Variants in NCKAP5 observed in about 807,000 individuals in gnomAD.
The protein encoded by NCKAP5 is NCK associated protein 5.
In NCKAP5, 92 loss-of-function variants were observed where a neutral mutation model predicts 167.0. The ratio of observed to expected loss-of-function variants is 0.55; its 90% CI spans 0.47 to 0.66. The LOEUF is 0.66. Ranked by LOEUF, NCKAP5 falls within the 30% of genes least tolerant of loss-of-function variation. The pLI, the probability that NCKAP5 is intolerant of heterozygous loss-of-function variation, is 0.00. For missense variants in NCKAP5, 2,378 were observed against 2,315.0 expected (o/e 1.03, Z -0.56); for synonymous variants, 891 against 877.4 (o/e 1.02, Z -0.27).
intron 2 of NCKAP5, among the ~76,000 whole-genome samples, chr2:133,532,084 CAT>C (rs1558760424): frequency 6.6e-6 from 1 of 152,182 alleles, no homozygotes; most frequent in Non-Finnish European, 1.5e-5. Context: ...AGTTTATGTA[CAT>C]ATGATAGTCT....
intron 1 of NCKAP5, among the ~76,000 whole-genome samples, chr2:133,563,022 C>T (rs1462222586): frequency 1.3e-5 from 2 of 152,198 alleles, no homozygotes; most frequent in Non-Finnish European, 2.9e-5. Context: ...TTGTGCTTAA[C>T]TGGGTCCATG....
At chr2:133,205,670 C>T (rs2085915485) in intron 5 of NCKAP5, among the ~76,000 whole-genome samples, 1 of 152,006 alleles carries the variant, frequency 6.6e-6, no homozygotes, top group Non-Finnish European at 1.5e-5. Context: ...TCTTGGGATT[C>T]TCATTAAGAT....
chr2:133,246,282 C>G (rs2087987369), intron 4 of NCKAP5, among the ~76,000 whole-genome samples: 1 of 151,934 alleles, frequency 6.6e-6, no homozygotes, highest in Admixed American at 6.6e-5. Context: ...CACTGTCTAT[C>G]CTCAAATGGA....
intron 19 of NCKAP5, among the ~76,000 whole-genome samples, chr2:132,712,890 C>A (rs529210799): frequency 6.6e-6 from 1 of 152,174 alleles, no homozygotes; most frequent in East Asian, 1.9e-4. Flanking sequence ...ACACCCAGAT[C>A]CAGATCAACA....
chr2:133,493,550 T>C (rs745871381), intron 3 of NCKAP5, among the ~76,000 whole-genome samples: 1 of 152,190 alleles, frequency 6.6e-6, no homozygotes, highest in Non-Finnish European at 1.5e-5. Flanking sequence ...GAACAGTGTC[T>C]GGCACATAGT....
At chr2:133,262,145 AT>A (rs1159528667) in intron 4 of NCKAP5, among the ~76,000 whole-genome samples, 17 of 151,876 alleles carry the variant, frequency 1.1e-4, no homozygotes, top group Admixed American at 2.0e-4. Flanking sequence ...AATGCACATA[AT>A]TTTTTTTTAT....
intron 8 of NCKAP5, among the ~76,000 whole-genome samples, chr2:132,899,150 C>T (rs1693429494): frequency 6.6e-6 from 1 of 152,200 alleles, no homozygotes. Context: ...TGCAGCTTTA[C>T]ATCTTTACAT....
intron 3 of NCKAP5, among the ~76,000 whole-genome samples, chr2:133,438,117 T>C (rs1690608855): frequency 1.3e-5 from 2 of 152,176 alleles, no homozygotes; most frequent in South Asian, 4.1e-4. Flanking sequence ...GCAACCTAAG[T>C]CCATACCTTG....
At chr2:132,740,103 C>T (rs1438495511) in intron 16 of NCKAP5, among the ~76,000 whole-genome samples, 2 of 152,116 alleles carry the variant, frequency 1.3e-5, no homozygotes, top group African/African-American at 4.8e-5. Flanking sequence ...CCCTCTGCAA[C>T]CCTCATTCAT....
At chr2:133,538,889 T>C (rs72992339) in intron 2 of NCKAP5, among the ~76,000 whole-genome samples, 12,780 of 149,858 alleles carry the variant, frequency 0.085, 954 homozygotes, top group African/African-American at 0.2. Context: ...TCATCTGAGA[T>C]GTACCTAGTT....
intron 3 of NCKAP5, among the ~76,000 whole-genome samples, chr2:133,358,948 A>G (rs113172322): frequency 7.9e-5 from 12 of 152,314 alleles, no homozygotes; most frequent in African/African-American, 2.9e-4. Flanking sequence ...ACTTGACACT[A>G]TTTGCATATT....
chr2:133,361,988 G>A (rs1430168), intron 3 of NCKAP5, among the ~76,000 whole-genome samples: 25,922 of 151,296 alleles, frequency 0.17, 2,296 homozygotes, highest in Non-Finnish European at 0.2. Flanking sequence ...GGAATTGAGA[G>A]AAGCATAAAT....
Position 133,316,023 on chromosome 2 carries a change from T to C in NCKAP5, c.70-12913A>G, listed in dbSNP as rs1192437723. ...TGCATTCCAGGTCCTATCCCAGAGA[T>C]TCAGGTTCAGTAAGTCTAGGAATAA... is the stretch of plus-strand genomic sequence containing the variant. On this transcript the variant is annotated intron_variant, in intron 3 of 19. Coordinates refer to ENST00000409261, the MANE Select transcript of NCKAP5 (RefSeq NM_207363.3). Among the ~76,000 whole-genome samples, 6 of 152,244 alleles carry C rather than the reference T, an allele frequency of 3.9e-5. No homozygotes were observed. The East Asian group carries it at 9.7e-4, about 25-fold the overall frequency.
intron 3 of NCKAP5, among the ~76,000 whole-genome samples, chr2:133,361,002 G>A (rs1257708487): frequency 6.6e-6 from 1 of 151,280 alleles, no homozygotes; most frequent in South Asian, 2.1e-4. Context: ...GAAATCAATG[G>A]GCAGACCCAA....
At chr2:133,182,659 A>G (rs1321300624) in intron 5 of NCKAP5, among the ~76,000 whole-genome samples, 1 of 152,222 alleles carries the variant, frequency 6.6e-6, no homozygotes, top group Non-Finnish European at 1.5e-5. Context: ...CTAGATTCAT[A>G]CATTGGAAGA....
At chr2:133,571,894 C>T (rs1484472936), upstream of NCKAP5, among the ~76,000 whole-genome samples, 1 of 151,884 alleles carries the variant, frequency 6.6e-6, no homozygotes, top group African/African-American at 2.4e-5. Context: ...TTAAAAAAGC[C>T]CAGTGAGGAG....
At chr2:133,124,508 A>C (rs1293271030) in intron 6 of NCKAP5, among the ~76,000 whole-genome samples, 1 of 152,216 alleles carries the variant, frequency 6.6e-6, no homozygotes, top group East Asian at 1.9e-4. Flanking sequence ...TACTGTTGTC[A>C]CTATGCAATC....
chr2:133,669,929 T>C, the NCKAP5 span, among the ~76,000 whole-genome samples: 1 of 152,184 alleles, frequency 6.6e-6, no homozygotes, highest in Non-Finnish European at 1.5e-5. Context: ...TCAGTCCAGA[T>C]GAACAGACTG....
intron 8 of NCKAP5, among the ~76,000 whole-genome samples, chr2:132,951,150 G>T (rs779835709): frequency 1.2e-4 from 19 of 152,146 alleles, no homozygotes; most frequent in Non-Finnish European, 1.2e-4. Context: ...GTTACAAGCT[G>T]TATCTTCTTT....
Sources: gnomAD v4.1 joint callset for allele counts (sites outside exome capture counted in the v4.1 genomes callset) on GRCh38, gnomAD v4.1.1 for gene constraint, MANE v1.5 for transcripts, NCBI Gene and HGNC (gene_info 2026-07-23, HGNC 2026-07-21) for gene names.